FAM107B: variants seen among roughly 807,000 people sequenced by gnomAD.
The protein encoded by FAM107B is family with sequence similarity 107 member B, also known as protein FAM107B.
A neutral mutation model predicts 31.5 loss-of-function variants in FAM107B; 21 were observed. The ratio of observed to expected loss-of-function variants is 0.67; its 90% confidence interval spans 0.47 to 0.96. The LOEUF is 0.96. FAM107B is among the 40% of genes least tolerant of loss of function. The probability of loss-of-function intolerance (pLI) is 0.00; values close to 1 mark genes in which losing one functional copy is unlikely to be tolerated. For synonymous variants in FAM107B, 157 were observed against 141.5 expected (o/e 1.11, Z -0.78); for missense variants, 452 against 377.1 (o/e 1.20, Z -1.64).
chr10:14,720,833 A>T (rs1041383135), intron 1 of FAM107B, among the ~76,000 whole-genome samples: 2 of 151,294 alleles, frequency 1.3e-5, no homozygotes, highest in African/African-American at 2.4e-5. Context: ...AAAGGAACAT[A>T]TTTTTTTTTA....
At chr10:14,706,474 C>T (rs1470556900) in intron 1 of FAM107B, among the ~76,000 whole-genome samples, 2 of 152,132 alleles carry the variant, frequency 1.3e-5, no homozygotes, top group East Asian at 3.9e-4. Context: ...GGGATCCTCC[C>T]ACCTTAGCCT....
At chr10:14,561,467 C>T (rs563739842) in intron 2 of FAM107B, among the ~76,000 whole-genome samples, 7 of 152,180 alleles carry the variant, frequency 4.6e-5, no homozygotes, top group South Asian at 2.1e-4. Context: ...TTTGGGCAGA[C>T]GGAGCAGCAA....
rs552817440 is a variant in FAM107B at position 14,691,520 on chromosome 10, ATATTGAATT to A, written c.412-23838_412-23830del. ...CAGTGAGCTGAAAGCTTTTCACACA[ATATTGAATT>A]TATCTTTACGACAACCCTATAAAAC... On this transcript the variant is annotated intron_variant, in intron 1 of 4. Coordinates refer to ENST00000181796, the MANE Select transcript of FAM107B (RefSeq NM_031453.4). Among the ~76,000 whole-genome samples the A allele has an allele frequency of 5.3e-5, 8 of 152,324 alleles. No individual in the cohort carries two copies. The East Asian group carries it at 1.5e-3, about 29-fold the overall frequency.
intron 2 of FAM107B, among the ~76,000 whole-genome samples, chr10:14,645,774 A>G (rs1410080): frequency 0.35 from 53,701 of 152,094 alleles, 9,784 homozygotes; most frequent in East Asian, 0.58. Flanking sequence ...CTCCCAGATA[A>G]ATTCTCTCCC....
intron 2 of FAM107B, among the ~76,000 whole-genome samples, chr10:14,630,841 C>A: frequency 6.6e-6 from 1 of 151,502 alleles, no homozygotes; most frequent in East Asian, 1.9e-4. Context: ...CAGAGGGAGA[C>A]CCCGTCTCAA....
intron 2 of FAM107B, among the ~76,000 whole-genome samples, chr10:14,637,713 G>T (rs1853535514): frequency 6.6e-6 from 1 of 152,092 alleles, no homozygotes; most frequent in South Asian, 2.1e-4. Context: ...TCATCTTGCT[G>T]GAGTCTCTCA....
chr10:14,601,081 T>C (rs1852381691), intron 2 of FAM107B, among the ~76,000 whole-genome samples: 1 of 152,144 alleles, frequency 6.6e-6, no homozygotes, highest in Non-Finnish European at 1.5e-5. Flanking sequence ...TCTTTAAATA[T>C]CCTCCTCACC....
chr10:14,581,461 A>C (rs2131306000), intron 2 of FAM107B, among the ~76,000 whole-genome samples: 1 of 152,368 alleles, frequency 6.6e-6, no homozygotes, highest in South Asian at 2.1e-4. Context: ...CCAGGCCACC[A>C]AATGCAGTGG....
At chr10:14,770,744 TGAA>T (rs1833282130) in intron 1 of FAM107B, among the ~76,000 whole-genome samples, 1 of 152,126 alleles carries the variant, frequency 6.6e-6, no homozygotes, top group East Asian at 1.9e-4. Flanking sequence ...TACAAAAAGT[TGAA>T]GACTGATCAA....
At chr10:14,531,198 C>T (rs1204222261) in intron 2 of FAM107B, among the ~76,000 whole-genome samples, 2 of 152,202 alleles carry the variant, frequency 1.3e-5, no homozygotes, top group Non-Finnish European at 2.9e-5. Flanking sequence ...CTGCTTCGCC[C>T]ACCGCTGTGC....
At chr10:14,608,987 T>C (rs961948560) in intron 2 of FAM107B, among the ~76,000 whole-genome samples, 6 of 152,348 alleles carry the variant, frequency 3.9e-5, no homozygotes, top group African/African-American at 1.4e-4. Context: ...AAAAGCACTT[T>C]GGTATTCAAC....
chr10:14,672,555 C>A (rs1178454411), intron 1 of FAM107B, among the ~76,000 whole-genome samples: 1 of 152,104 alleles, frequency 6.6e-6, no homozygotes, highest in Non-Finnish European at 1.5e-5. Context: ...AGAAAAGGTA[C>A]AGTAAAAAGA....
intron 2 of FAM107B, among the ~76,000 whole-genome samples, chr10:14,539,562 A>G (rs904033640): frequency 2.0e-5 from 3 of 152,246 alleles, no homozygotes; most frequent in African/African-American, 7.2e-5. Context: ...CTTAGAAAAG[A>G]CTGAAGACAA....
chr10:14,598,996 T>C (rs986615724), intron 2 of FAM107B, among the ~76,000 whole-genome samples: 3 of 152,186 alleles, frequency 2.0e-5, no homozygotes, highest in African/African-American at 4.8e-5. Flanking sequence ...ACTCCACTCC[T>C]CTGGCCCAGG....
chr10:14,751,208 G>C (rs1242404269), intron 1 of FAM107B, among the ~76,000 whole-genome samples: 1 of 152,222 alleles, frequency 6.6e-6, no homozygotes, highest in African/African-American at 2.4e-5. Flanking sequence ...CCCCACCCCA[G>C]CCTCCCCAAG....
At chr10:14,580,782 G>C (rs1403336154) in intron 2 of FAM107B, among the ~76,000 whole-genome samples, 2 of 151,976 alleles carry the variant, frequency 1.3e-5, no homozygotes, top group East Asian at 1.9e-4. Flanking sequence ...TTCACTGAAA[G>C]AAAATGCTAG....
At chr10:14,543,858 G>A (rs1848464984) in intron 2 of FAM107B, among the ~76,000 whole-genome samples, 1 of 152,080 alleles carries the variant, frequency 6.6e-6, no homozygotes, top group Admixed American at 6.5e-5. Context: ...CTCACCTGCT[G>A]GTCTCCACCA....
At chr10:14,760,569 T>A (rs998307769) in intron 1 of FAM107B, among the ~76,000 whole-genome samples, 3 of 152,198 alleles carry the variant, frequency 2.0e-5, no homozygotes, top group Non-Finnish European at 2.9e-5. Flanking sequence ...CACCAAACTA[T>A]ATTAAGCATA....
At chr10:14,673,462 G>T (rs1014913957) in intron 1 of FAM107B, among the ~76,000 whole-genome samples, 1 of 152,096 alleles carries the variant, frequency 6.6e-6, no homozygotes, top group African/African-American at 2.4e-5. Flanking sequence ...GCGAATGAAG[G>T]ATTTTATTCT....
Sources: allele counts gnomAD v4.1 joint callset (sites outside exome capture counted in the v4.1 genomes callset), GRCh38; gene constraint gnomAD v4.1.1; transcripts MANE v1.5; gene names NCBI Gene and HGNC (gene_info 2026-07-23, HGNC 2026-07-21).